The following SPATA13 variants were observed in gnomAD, a reference collection of about 807,000 sequenced individuals.
The protein encoded by SPATA13 is spermatogenesis associated 13.
Under a neutral mutation model 104.0 loss-of-function variants are expected in SPATA13, and 50 were observed. That is an observed-to-expected ratio of 0.48 (90% CI 0.38 to 0.61). The LOEUF (loss-of-function observed/expected upper bound fraction) is 0.61. Ranked by LOEUF, SPATA13 falls within the 20% of genes least tolerant of loss-of-function variation. The pLI, the probability that SPATA13 is intolerant of heterozygous loss-of-function variation, is 0.00. For synonymous variants in SPATA13, 606 were observed against 667.5 expected (o/e 0.91, Z 1.42); for missense variants, 1,524 against 1,690.6 (o/e 0.90, Z 1.73).
At chr13:24,238,709 C>T (rs1199149778) in intron 2 of SPATA13, among the ~76,000 whole-genome samples, 1 of 152,184 alleles carries the variant, frequency 6.6e-6, no homozygotes, top group East Asian at 1.9e-4. Flanking sequence ...TACAGCCTCA[C>T]TCCTTAATGT....
intron 3 of SPATA13, among the ~76,000 whole-genome samples, chr13:24,084,599 T>C (rs1006079543): frequency 6.6e-6 from 1 of 152,188 alleles, no homozygotes; most frequent in African/African-American, 2.4e-5. Context: ...TGCTGACTGC[T>C]CAGTTCTGTC....
At position 24,305,054 on chromosome 13, in the gene SPATA13, T is replaced by C. The variant is rs1029198822; in HGVS notation, c.*2281T>C. The C allele has an allele frequency of 6.6e-6, 1 of 152,238 alleles. No individual in the cohort carries two copies. The highest frequency in any genetic ancestry group is 2.4e-5 in the African/African-American group (1 of 41,454). 9.4% of individuals were successfully genotyped at this position (152,238 alleles called of 1,614,324 possible). Reference sequence around the variant, plus strand: ...TGAACAAATTGTTTTAAATGTAATATAAGAGAATTAGTTTAAGGAAGTAAA... The same window carrying C: ...TGAACAAATTGTTTTAAATGTAATACAAGAGAATTAGTTTAAGGAAGTAAA... On this transcript the variant is annotated 3_prime_UTR_variant, in exon 13 of 13. Transcript: ENST00000382108.
intron 2 of SPATA13, among the ~76,000 whole-genome samples, chr13:24,013,692 C>CT (rs533534658): frequency 3.1e-4 from 44 of 142,974 alleles, no homozygotes; most frequent in Admixed American, 1.5e-3. Context: ...CCCTTACAGT[C>CT]TTTTTTTTTT....
Position 24,249,649 on chromosome 13 carries a change from C to T in SPATA13, c.1826C>T (p.Ala609Val). 1 of 1,613,576 alleles carries T rather than the reference C, an allele frequency of 6.2e-7. No homozygotes were observed. The highest frequency in any genetic ancestry group is 8.5e-7 in the Non-Finnish European group (1 of 1,179,796). ...TTGTCTATTCCTGAAGACTCGGTTGCTGCAGACCCCCAGAAGGAAGACCGT... is the reference window on the plus strand; with the variant it reads ...TTGTCTATTCCTGAAGACTCGGTTGTTGCAGACCCCCAGAAGGAAGACCGT... ...RSLSIPEDSVAADPQKEDRVD... is the reference protein window; with the variant it reads ...RSLSIPEDSVVADPQKEDRVD... The change falls in exon 3 of 13, where the codon GCT becomes GTT. Residue 609 changes from alanine (A) to valine (V), a missense_variant. By Grantham distance (64) the Ala-to-Val change is moderately conservative. Around this residue, in one of 2 missense-constraint regions of SPATA13, gnomAD observed 1,089 missense variants for 1,135.9 expected, o/e 0.96. Transcript: ENST00000382108.
upstream of SPATA13, among the ~76,000 whole-genome samples, chr13:24,157,352 G>A (rs183388285): frequency 7.6e-3 from 1,163 of 152,240 alleles, 8 homozygotes; most frequent in South Asian, 0.014. Flanking sequence ...AGGCTGGAGT[G>A]CAGGGGCGCG....
At chr13:24,274,296 C>T (rs948526533) in intron 4 of SPATA13, among the ~76,000 whole-genome samples, 1 of 152,184 alleles carries the variant, frequency 6.6e-6, no homozygotes, top group Non-Finnish European at 1.5e-5. Flanking sequence ...CCAAATTTTT[C>T]CAGGTGTCAG....
chr13:24,118,075 T>A (rs1282215749), intron 3 of SPATA13, among the ~76,000 whole-genome samples: 1 of 152,186 alleles, frequency 6.6e-6, no homozygotes, highest in Non-Finnish European at 1.5e-5. Flanking sequence ...ATAAATTGGT[T>A]GATCAAAACT....
chr13:24,228,943 A>G (rs1449668679), intron 2 of SPATA13, among the ~76,000 whole-genome samples: 1 of 152,232 alleles, frequency 6.6e-6, no homozygotes, highest in Non-Finnish European at 1.5e-5. Context: ...GTCTAACAAG[A>G]TTGTGTATTG....
rs186870181 is a variant in SPATA13, at chr13:24,148,597, G to T, written c.-111-74222G>T. ...ACACATAACCAGTGTGATACGTTAG[G>T]AGTTTAATATGGTTGACCAGAGGCT... On this transcript the variant is annotated intron_variant, in intron 3 of 14. Coordinates refer to the SPATA13 transcript ENST00000424834. Among the ~76,000 whole-genome samples the T allele has an allele frequency of 1.4e-3, 213 of 152,304 alleles. 3 individuals are homozygous for T. Among genetic ancestry groups the T allele is most frequent in the Non-Finnish European group, 2.4e-3 (165 of 68,036 alleles).
At chr13:24,039,713 A>G (rs1877842815) in intron 3 of SPATA13, among the ~76,000 whole-genome samples, 2 of 151,920 alleles carry the variant, frequency 1.3e-5, no homozygotes, top group Admixed American at 6.6e-5. Flanking sequence ...GTAAGTTGCC[A>G]TTTGTTCTCC....
chr13:24,207,361 G>GT (rs1407956600), intron 1 of SPATA13, among the ~76,000 whole-genome samples: 1 of 152,192 alleles, frequency 6.6e-6, no homozygotes, highest in Non-Finnish European at 1.5e-5. Context: ...TCCCGCACAT[G>GT]TACCCCTGAA....
At chr13:24,190,002 TA>T (rs1230183789) in intron 1 of SPATA13, among the ~76,000 whole-genome samples, 1 of 8,888 alleles carries the variant, frequency 1.1e-4, no homozygotes, top group African/African-American at 1.4e-4. Context: ...TAACATATAA[TA>T]ATATATTATT....
chr13:24,241,933 G>A (rs1473250356), intron 2 of SPATA13, among the ~76,000 whole-genome samples: 5 of 151,984 alleles, frequency 3.3e-5, no homozygotes, highest in African/African-American at 7.3e-5. Flanking sequence ...CATGCCTGTA[G>A]TCTCAGCTAC....
intron 4 of SPATA13, among the ~76,000 whole-genome samples, chr13:24,269,997 C>T (rs1057190489): frequency 6.6e-6 from 1 of 151,940 alleles, no homozygotes; most frequent in African/African-American, 2.4e-5. Flanking sequence ...GTTGGGATTA[C>T]AGGCATGAGC....
chr13:24,144,026 G>T (rs1410926054), intron 3 of SPATA13, among the ~76,000 whole-genome samples: 2 of 152,204 alleles, frequency 1.3e-5, no homozygotes, highest in Non-Finnish European at 2.9e-5. Flanking sequence ...AGCACGTAGA[G>T]TGGGGAGAAC....
intron 9 of SPATA13, among the ~76,000 whole-genome samples, chr13:24,293,858 A>G (rs1286377314): frequency 6.6e-6 from 1 of 152,192 alleles, no homozygotes; most frequent in Non-Finnish European, 1.5e-5. Context: ...TAAATAGACA[A>G]TAGAATCTGC....
chr13:24,024,209 A>T (rs1296098226), intron 3 of SPATA13, among the ~76,000 whole-genome samples: 1 of 152,204 alleles, frequency 6.6e-6, no homozygotes, highest in Non-Finnish European at 1.5e-5. Flanking sequence ...AACTGGCCCC[A>T]TCCACATCCA....
chr13:24,139,897 C>T (rs1881696661), intron 3 of SPATA13, among the ~76,000 whole-genome samples: 1 of 152,064 alleles, frequency 6.6e-6, no homozygotes, highest in African/African-American at 2.4e-5. Context: ...GAAACCCTGT[C>T]TCTACTAAAA....
chr13:24,195,159 A>G (rs1023075600), intron 1 of SPATA13, among the ~76,000 whole-genome samples: 2 of 152,110 alleles, frequency 1.3e-5, no homozygotes, highest in African/African-American at 4.8e-5. Context: ...TCCTGTCTCT[A>G]TGGATTTGCC....
Sources: allele counts gnomAD v4.1 joint callset (sites outside exome capture counted in the v4.1 genomes callset), GRCh38; gene constraint gnomAD v4.1.1; regional missense constraint gnomAD v4.1.1; transcripts MANE v1.5; gene names NCBI Gene and HGNC (gene_info 2026-07-23, HGNC 2026-07-21).